Variants in MVB12B observed in about 807,000 individuals in gnomAD.
The protein encoded by MVB12B is multivesicular body subunit 12B.
Under a neutral mutation model 41.6 loss-of-function variants are expected in MVB12B, and 16 were observed. That is an observed-to-expected ratio of 0.38 (90% CI 0.26 to 0.58). The LOEUF (loss-of-function observed/expected upper bound fraction) is 0.58, where lower values mean the gene tolerates loss of function less well. Among genes scored for constraint, MVB12B ranks in the 20% least tolerant of loss-of-function variants. The probability of loss-of-function intolerance (pLI) is 0.62; values close to 1 mark genes in which losing one functional copy is unlikely to be tolerated. For missense variants in MVB12B, 274 were observed against 380.2 expected (o/e 0.72, Z 2.32); for synonymous variants, 133 against 139.7 (o/e 0.95, Z 0.34).
In MVB12B at chr9:126,505,195, G is replaced by A. The variant is rs115035577; in HGVS notation, c.*1932G>A. ...GGTAATGCCAGGGGCCCTTCACTCC[G>A]CCCCCATGACTGGGAAGAGGCCTGT... On this transcript the variant is annotated 3_prime_UTR_variant, in exon 10 of 10. Transcript: ENST00000361171. The A allele has an allele frequency of 8.0e-3, 1,226 of 152,338 alleles. 22 individuals carry two copies. Among genetic ancestry groups the A allele is most frequent in the African/African-American group, 0.028 (1,178 of 41,562 alleles). 9.4% of individuals were successfully genotyped at this position (152,338 alleles called of 1,614,324 possible). A position where few individuals can be genotyped will look rare whatever the true frequency, so the allele number is the denominator to read the frequency against.
chr9:126,382,101 T>TAA (rs10658875), intron 3 of MVB12B, among the ~76,000 whole-genome samples: 16,311 of 146,004 alleles, frequency 0.11, 1,034 homozygotes, highest in African/African-American at 0.16. Flanking sequence ...TATTTGCAGT[T>TAA]AAAAAAAAAA....
intron 1 of MVB12B, among the ~76,000 whole-genome samples, chr9:126,339,190 T>TACAG (rs1829369032): frequency 1.3e-5 from 2 of 152,350 alleles, no homozygotes; most frequent in Admixed American, 1.3e-4. Flanking sequence ...GAGACTTGCA[T>TACAG]ACAGCATTTT....
chr9:126,479,834 G>C lies in MVB12B; in HGVS notation c.758-1535G>C, dbSNP rs185190934. Among the ~76,000 whole-genome samples the C allele has an allele frequency of 1.9e-4, 29 of 152,356 alleles. 1 individual carries two copies. Among genetic ancestry groups the C allele is most frequent in the Admixed American group, 1.8e-3 (27 of 15,306 alleles). ...TTTCTTTCCTTCCCTAAAATAAAGTGTGAGCAGAGTTCTATGATGTTTTAT... is the reference window on the plus strand; with the variant it reads ...TTTCTTTCCTTCCCTAAAATAAAGTCTGAGCAGAGTTCTATGATGTTTTAT... On this transcript the variant is annotated intron_variant, in intron 7 of 9. Transcript: ENST00000361171.
At chr9:126,420,700 C>A (rs1285912756) in intron 6 of MVB12B, among the ~76,000 whole-genome samples, 5 of 150,992 alleles carry the variant, frequency 3.3e-5, no homozygotes, top group Non-Finnish European at 7.4e-5. Context: ...TCTCCCGCCT[C>A]AGCTTCCCAA....
At chr9:126,335,478 C>G in intron 1 of MVB12B, 1 of 1,081,952 alleles carries the variant, frequency 9.2e-7, no homozygotes, top group Non-Finnish European at 1.3e-6. Flanking sequence ...TGAGGCCTGG[C>G]CACAGGTTCC....
chr9:126,488,659 G>A (rs559587832), intron 9 of MVB12B, among the ~76,000 whole-genome samples: 2 of 152,324 alleles, frequency 1.3e-5, no homozygotes, highest in African/African-American at 4.8e-5. Flanking sequence ...GGGTCTGAGT[G>A]TGACCCTGGC....
rs35494875 is a variant in MVB12B at position 126,492,118 on chromosome 9, GCA to G, written c.873+8104_873+8105del. ...CCCTCCGTCCACTCCTGCGGCACGT[GCA>G]CACACACACACACACACGCTCAGCA... is the stretch of plus-strand genomic sequence containing the variant. On this transcript the variant is annotated intron_variant, in intron 9 of 9. Coordinates refer to ENST00000361171, the MANE Select transcript of MVB12B (RefSeq NM_033446.3). 1.0e-4 allele frequency among the ~76,000 whole-genome samples: 15 copies of G among 143,122 alleles called. 1 individual carries two copies. Among genetic ancestry groups the G allele is most frequent in the South Asian group, 2.4e-4 (1 of 4,250 alleles). The allele number at this position is 143,122 out of a possible 152,430, so 93.9% of individuals were successfully genotyped here. A position where few individuals can be genotyped will look rare whatever the true frequency, so the allele number is the denominator to read the frequency against.
rs7870817 is a variant in MVB12B at position 126,503,735 on chromosome 9, C to G, written c.*472C>G. 3,332 of 164,470 alleles carry G rather than the reference C, an allele frequency of 0.02. 83 individuals carry two copies. Among genetic ancestry groups the G allele is most frequent in the African/African-American group, 0.064 (2,686 of 41,778 alleles). 10.2% of individuals were successfully genotyped at this position (164,470 alleles called of 1,614,324 possible). A position where few individuals can be genotyped will look rare whatever the true frequency, so the allele number is the denominator to read the frequency against. ...CCTAGGACTCTCCAGGGTCGCTGAT[C>G]CTCCCCGGCCCAGGGCTGCCAGGAA... On this transcript the variant is annotated 3_prime_UTR_variant, in exon 10 of 10. Coordinates refer to ENST00000361171, the MANE Select transcript of MVB12B (RefSeq NM_033446.3).
At chr9:126,368,826 C>T (rs1428196670) in intron 2 of MVB12B, among the ~76,000 whole-genome samples, 1 of 152,186 alleles carries the variant, frequency 6.6e-6, no homozygotes, top group Non-Finnish European at 1.5e-5. Context: ...CATTTTTCTT[C>T]CTGACTTTTT....
chr9:126,501,998 T>TC (rs1170012770), intron 9 of MVB12B, among the ~76,000 whole-genome samples: 1 of 152,044 alleles, frequency 6.6e-6, no homozygotes, highest in East Asian at 1.9e-4. Flanking sequence ...TGTACAGGTG[T>TC]CCCCCAAGGA....
chr9:126,416,405 C>T (rs1831826943), intron 6 of MVB12B, among the ~76,000 whole-genome samples: 1 of 152,196 alleles, frequency 6.6e-6, no homozygotes, highest in African/African-American at 2.4e-5. Context: ...CTGCCCTCAA[C>T]CACTACAACT....
chr9:126,345,439 G>A (rs940490010), intron 2 of MVB12B, among the ~76,000 whole-genome samples: 2 of 152,262 alleles, frequency 1.3e-5, no homozygotes, highest in African/African-American at 4.8e-5. Context: ...TGAAAGTCCA[G>A]GTAAGGGATT....
intron 2 of MVB12B, among the ~76,000 whole-genome samples, chr9:126,353,077 G>T (rs965768853): frequency 2.0e-5 from 3 of 152,154 alleles, no homozygotes; most frequent in African/African-American, 7.2e-5. Flanking sequence ...ATTGTGGCTG[G>T]TGAGCAGTAT....
At chr9:126,437,695 C>A (rs977873414) in intron 7 of MVB12B, among the ~76,000 whole-genome samples, 1 of 152,160 alleles carries the variant, frequency 6.6e-6, no homozygotes, top group African/African-American at 2.4e-5. Flanking sequence ...CGTTGACAGG[C>A]GGGAGTACGC....
At chr9:126,448,871 G>A (rs953938215) in intron 7 of MVB12B, among the ~76,000 whole-genome samples, 2 of 152,144 alleles carry the variant, frequency 1.3e-5, no homozygotes, top group Non-Finnish European at 2.9e-5. Context: ...CGTGAAATTT[G>A]GAGGGGACAA....
chr9:126,358,719 A>C (rs1829949443), intron 2 of MVB12B, among the ~76,000 whole-genome samples: 1 of 152,208 alleles, frequency 6.6e-6, no homozygotes, highest in African/African-American at 2.4e-5. Flanking sequence ...CTATGTAGAT[A>C]ATTATGTTGT....
At chr9:126,425,120 A>G (rs7018672) in intron 7 of MVB12B, among the ~76,000 whole-genome samples, 133,633 of 152,168 alleles carry the variant, frequency 0.88, 58,837 homozygotes, top group East Asian at 1. Flanking sequence ...TAACAATTAC[A>G]TTCTAAGCTG....
rs192155847 is a variant in MVB12B, at chr9:126,488,865, G to A, written c.873+4833G>A. On this transcript the variant is annotated intron_variant, in intron 9 of 9. Coordinates refer to ENST00000361171, the MANE Select transcript of MVB12B (RefSeq NM_033446.3). Reference sequence around the variant, plus strand: ...AGCCGAAGCACAGTTGCCACCATTCGGCTTCAGGGACGGTCACCCTCCAAC... The same window carrying A: ...AGCCGAAGCACAGTTGCCACCATTCAGCTTCAGGGACGGTCACCCTCCAAC... Among the ~76,000 whole-genome samples the A allele has an allele frequency of 4.8e-3, 710 of 148,628 alleles. 6 individuals carry two copies. The highest frequency in any genetic ancestry group is 0.016 in the African/African-American group (654 of 41,310).
Position 126,340,895 on chromosome 9 carries a change from G to C in MVB12B, c.204+265G>C, listed in dbSNP as rs1477816116. Among the ~76,000 whole-genome samples, 1 of 152,182 alleles carries C rather than the reference G, an allele frequency of 6.6e-6. No homozygotes were observed. The highest frequency in any genetic ancestry group is 1.5e-5 in the Non-Finnish European group (1 of 68,034). On this transcript the variant is annotated intron_variant, in intron 2 of 9. Transcript: ENST00000361171. This position sits in a 1 kb window ranked among gnomAD's most constrained non-coding sequence, Gnocchi z 4.0. Reference sequence around the variant, plus strand: ...TTAGATTCATTGATTTTCAACTTCTGGTTGTGACATTTCGTGAAAAGGATC... The same window carrying C: ...TTAGATTCATTGATTTTCAACTTCTCGTTGTGACATTTCGTGAAAAGGATC...
Sources: gnomAD v4.1 joint callset for allele counts (sites outside exome capture counted in the v4.1 genomes callset) on GRCh38, gnomAD v4.1.1 for gene constraint, Gnocchi (gnomAD v3.1) non-coding constraint, MANE v1.5 for transcripts, NCBI Gene and HGNC (gene_info 2026-07-23, HGNC 2026-07-21) for gene names.